Variants in NFATC2 observed in about 807,000 individuals in gnomAD.
NFATC2 encodes the protein nuclear factor of activated T-cells, cytoplasmic 2.
Under a neutral mutation model 87.3 loss-of-function variants are expected in NFATC2, and 22 were observed. The ratio of observed to expected loss-of-function variants is 0.25; its 90% CI spans 0.18 to 0.36. The LOEUF (loss-of-function observed/expected upper bound fraction) is 0.36, where lower values mean the gene tolerates loss of function less well. NFATC2 is among the 10% of genes least tolerant of loss of function. The pLI is 1.00. For synonymous variants in NFATC2, 565 were observed against 542.2 expected (o/e 1.04, Z -0.58); for missense variants, 1,149 against 1,259.1 (o/e 0.91, Z 1.32).
In NFATC2 at chr20:51,391,151, G is replaced by T; in HGVS notation, c.*345C>A. 1.5e-6 allele frequency: 1 copy of T among 654,550 alleles called. No homozygotes were observed. The allele number at this position is 654,550 out of a possible 1,614,324, so 40.5% of individuals were successfully genotyped here. ...GTCAGCAGGTGCTTACTATTTGGAC[G>T]GAACACCATTAAGATCAACCAGGAT... On this transcript the variant is annotated 3_prime_UTR_variant, in exon 11 of 11. Coordinates refer to ENST00000371564, the MANE Select transcript of NFATC2 (RefSeq NM_012340.5).
chr20:51,550,592 A>AAATAAT (rs74175559), intron 1 of NFATC2, among the ~76,000 whole-genome samples: 22 of 151,562 alleles, frequency 1.5e-4, no homozygotes, highest in African/African-American at 4.4e-4. Flanking sequence ...ACTCCATCTC[A>AAATAAT]AATAATAATA....
intron 9 of NFATC2, among the ~76,000 whole-genome samples, chr20:51,417,579 C>T (rs1980220013): frequency 6.6e-6 from 1 of 152,188 alleles, no homozygotes; most frequent in Admixed American, 6.5e-5. Context: ...TGAAGTTATG[C>T]CCGTCCCCAT....
chr20:51,522,525 A>G (rs1367578101), intron 2 of NFATC2, among the ~76,000 whole-genome samples: 1 of 151,618 alleles, frequency 6.6e-6, no homozygotes, highest in Non-Finnish European at 1.5e-5. Flanking sequence ...CTATCTACAT[A>G]CATCTCCTCA....
intron 9 of NFATC2, among the ~76,000 whole-genome samples, chr20:51,404,486 G>A (rs551507343): frequency 3.3e-5 from 5 of 152,316 alleles, no homozygotes; most frequent in South Asian, 4.1e-4. Context: ...TTAAGTCCTC[G>A]AGTCTCAGTT....
intron 6 of NFATC2, among the ~76,000 whole-genome samples, chr20:51,446,007 G>A (rs1320358560): frequency 6.6e-6 from 1 of 152,178 alleles, no homozygotes; most frequent in Non-Finnish European, 1.5e-5. Flanking sequence ...AGCTACTCTG[G>A]GAACCAGGAA....
chr20:51,466,887 C>G (rs748848312), intron 5 of NFATC2, among the ~76,000 whole-genome samples: 1 of 152,060 alleles, frequency 6.6e-6, no homozygotes, highest in Non-Finnish European at 1.5e-5. Context: ...GCCTGGTCAA[C>G]ATGGTGAAAC....
At chr20:51,507,697 G>A (rs538155771) in intron 3 of NFATC2, among the ~76,000 whole-genome samples, 61 of 152,268 alleles carry the variant, frequency 4.0e-4, no homozygotes, top group African/African-American at 1.4e-3. Context: ...CGAACCACCC[G>A]CTTCGTCTAC....
At chr20:51,489,328 C>T (rs968082253) in intron 3 of NFATC2, among the ~76,000 whole-genome samples, 1 of 152,110 alleles carries the variant, frequency 6.6e-6, no homozygotes, top group African/African-American at 2.4e-5. Context: ...TAGCTGCAGC[C>T]CCAGCAATCA....
rs560337412 is a variant in NFATC2 at position 51,444,659 on chromosome 20, G to A, written c.1850-8898C>T. ...GGGGAGGAAATCAAAGTGTCAGCTC[G>A]TGTTAGGAAACCGCACATGATGCTT... On this transcript the variant is annotated intron_variant, in intron 6 of 10. Transcript: ENST00000371564. 1.5e-4 allele frequency among the ~76,000 whole-genome samples: 23 copies of A among 152,296 alleles called. No homozygotes were observed. The East Asian group carries it at 3.7e-3, about 24-fold the overall frequency.
At chr20:51,492,924 AT>A (rs2075921256) in intron 3 of NFATC2, among the ~76,000 whole-genome samples, 1 of 152,202 alleles carries the variant, frequency 6.6e-6, no homozygotes, top group Non-Finnish European at 1.5e-5. Context: ...CCACGGGCTC[AT>A]GGAACTGTAG....
intron 1 of NFATC2, among the ~76,000 whole-genome samples, chr20:51,551,803 G>A (rs962937344): frequency 3.3e-5 from 5 of 152,030 alleles, no homozygotes; most frequent in African/African-American, 1.2e-4. Context: ...CAAGGTGGGC[G>A]GATCATGAGG....
chr20:51,551,450 A>T (rs962222101), intron 1 of NFATC2, among the ~76,000 whole-genome samples: 1 of 151,900 alleles, frequency 6.6e-6, no homozygotes, highest in Non-Finnish European at 1.5e-5. Context: ...GTCACCCAGG[A>T]TGGAGTGCAG....
chr20:51,476,683 G>T (rs1242955006), intron 3 of NFATC2, among the ~76,000 whole-genome samples: 1 of 152,132 alleles, frequency 6.6e-6, no homozygotes, highest in Non-Finnish European at 1.5e-5. Context: ...CTAGAGTAAC[G>T]CTTGGCACAT....
chr20:51,531,984 T>C (rs2076640756), intron 1 of NFATC2, among the ~76,000 whole-genome samples: 1 of 152,140 alleles, frequency 6.6e-6, no homozygotes, highest in Admixed American at 6.5e-5. Context: ...AGGTAAAACG[T>C]GCTTCCAACA....
intron 3 of NFATC2, among the ~76,000 whole-genome samples, chr20:51,502,596 A>G (rs545255587): frequency 6.6e-6 from 1 of 152,186 alleles, no homozygotes; most frequent in Non-Finnish European, 1.5e-5. Flanking sequence ...TCAGCCTCCC[A>G]AAGTACTAGG....
chr20:51,487,249 G>T (rs1989787314), intron 3 of NFATC2, among the ~76,000 whole-genome samples: 1 of 152,236 alleles, frequency 6.6e-6, no homozygotes, highest in Admixed American at 6.5e-5. Flanking sequence ...ATCTGGCCCT[G>T]ACCGTGCCCA....
upstream of NFATC2, among the ~76,000 whole-genome samples, chr20:51,546,763 G>T (rs2076892963): frequency 2.0e-5 from 3 of 152,232 alleles, no homozygotes. Context: ...GTGTTACAGA[G>T]CTTATGTCAA....
Position 51,562,514 on chromosome 20 carries a change from G to T in NFATC2, c.70+46C>A. ...GGGACGGGAGCAGCAGGAAAGGGCC[G>T]GGAGGAGCGAGCGGAAAAGGCTGGA... On this transcript the variant is annotated intron_variant, in intron 1 of 10. Transcript: ENST00000414705. This position sits in a 1 kb window ranked among gnomAD's most constrained non-coding sequence, Gnocchi z 5.8. 1 of 1,499,728 alleles carries T rather than the reference G, an allele frequency of 6.7e-7. No individual in the cohort carries two copies. The highest frequency in any genetic ancestry group is 9.1e-7 in the Non-Finnish European group (1 of 1,102,530). The allele number at this position is 1,499,728 out of a possible 1,614,324, so 92.9% of individuals were successfully genotyped here.
At chr20:51,506,734 G>A (rs916977601) in intron 3 of NFATC2, among the ~76,000 whole-genome samples, 2 of 110,642 alleles carry the variant, frequency 1.8e-5, no homozygotes, top group Non-Finnish European at 3.7e-5. Context: ...CGGACGGGTT[G>A]CAGCGAGATG....
Sources: allele counts gnomAD v4.1 joint callset (sites outside exome capture counted in the v4.1 genomes callset), GRCh38; gene constraint gnomAD v4.1.1; non-coding constraint Gnocchi (gnomAD v3.1); transcripts MANE v1.5; gene names NCBI Gene and HGNC (gene_info 2026-07-23, HGNC 2026-07-21).